TSPAN1: variants seen among roughly 807,000 people sequenced by gnomAD.
The protein encoded by TSPAN1 is tetraspanin-1.
In TSPAN1, 23 loss-of-function variants were observed where a neutral mutation model predicts 26.9. The ratio of observed to expected loss-of-function variants is 0.85; its 90% CI spans 0.62 to 1.21. The LOEUF (loss-of-function observed/expected upper bound fraction) is 1.21, where lower values mean the gene tolerates loss of function less well. Ranked by LOEUF, TSPAN1 falls within the 50% of genes most tolerant of loss-of-function variation. TSPAN1 has a pLI of 0.00. For synonymous variants in TSPAN1, 115 were observed against 114.8 expected (o/e 1.00, Z -0.01); for missense variants, 283 against 298.4 (o/e 0.95, Z 0.38).
At chr1:46,182,579 G>A (rs184453603) in intron 3 of TSPAN1, among the ~76,000 whole-genome samples, 77 of 152,118 alleles carry the variant, frequency 5.1e-4, no homozygotes, top group African/African-American at 1.8e-3. Context: ...ATGTGGTGGC[G>A]CATGCCTGTA....
At position 46,185,370 on chromosome 1, in the gene TSPAN1, C is replaced by G. The variant is rs1657407567; in HGVS notation, c.678+62C>G. 5.6e-6 allele frequency: 9 copies of G among 1,609,302 alleles called. No individual in the cohort carries two copies. In the East Asian group the frequency reaches 2.0e-4, roughly 36 times the overall value. The stretch of plus-strand genomic sequence containing the variant: ...ATGAGACCAGGGCTGCTCAACCCAT[C>G]TGAGGCCTCTCTGGAGGAAACAGAC... On this transcript the variant is annotated intron_variant, in intron 8 of 8. Coordinates refer to ENST00000372003, the MANE Select transcript of TSPAN1 (RefSeq NM_005727.4).
At chr1:46,181,725 T>C (rs1164832312) in intron 3 of TSPAN1, among the ~76,000 whole-genome samples, 2 of 152,312 alleles carry the variant, frequency 1.3e-5, no homozygotes, top group East Asian at 3.9e-4. Context: ...ATAAGCCAGA[T>C]AGGCAGATAA....
At chr1:46,193,053 C>A in the TSPAN1 span, 1 of 1,603,366 alleles carries the variant, frequency 6.2e-7, no homozygotes, top group Non-Finnish European at 8.5e-7. Flanking sequence ...AGCATTACCC[C>A]CATTTTCCAG....
Position 46,185,219 on chromosome 1 carries a change from C to T in TSPAN1, c.595-6C>T. On this transcript the variant is annotated splice_region_variant and splice_polypyrimidine_tract_variant and intron_variant, in intron 7 of 8. Transcript: ENST00000372003. ...CAACTATAAATGCTCTTTTCTCTTC[C>T]TGAAGGGTTGCTTCAATCAGCTTTT... The T allele has an allele frequency of 4.3e-6, 7 of 1,614,166 alleles. No individual in the cohort carries two copies. The highest frequency in any genetic ancestry group is 5.9e-6 in the Non-Finnish European group (7 of 1,180,028).
chr1:46,184,084 G>A, intron 3 of TSPAN1, 107 bp from the exon 4 acceptor site: 2 of 1,215,212 alleles, frequency 1.6e-6, no homozygotes, highest in South Asian at 2.5e-5. Context: ...AGACTCCCTA[G>A]CCAATAAAGA....
downstream of TSPAN1, chr1:46,188,681 T>A (rs954251191): frequency 1.3e-6 from 2 of 1,582,230 alleles, no homozygotes; most frequent in African/African-American, 1.4e-5. Context: ...TCACAAGACA[T>A]CCCCAGAGGG....
the TSPAN1 span, chr1:46,192,042 G>GTTC: frequency 6.4e-7 from 1 of 1,559,490 alleles, no homozygotes; most frequent in Non-Finnish European, 8.8e-7. Flanking sequence ...CAGAGTCCAT[G>GTTC]TTCTTGTTCT....
At chr1:46,175,941 T>C (rs970145333) in intron 1 of TSPAN1, 12 of 495,440 alleles carry the variant, frequency 2.4e-5, no homozygotes, top group Non-Finnish European at 7.2e-6. Context: ...GGCGCGATCT[T>C]GGCTCACTGC....
downstream of TSPAN1, chr1:46,189,292 G>A (rs753937962): frequency 1.4e-5 from 22 of 1,613,570 alleles, no homozygotes; most frequent in South Asian, 2.2e-4. Context: ...TGGGGCTCCT[G>A]GGGCTCCCTC....
intron 3 of TSPAN1, among the ~76,000 whole-genome samples, chr1:46,182,832 A>G (rs553775921): frequency 6.6e-6 from 1 of 152,206 alleles, no homozygotes; most frequent in Admixed American, 6.5e-5. Flanking sequence ...TCTTTGAGAC[A>G]GGATCTTGCT....
At chr1:46,188,708 C>T (rs1657504735), downstream of TSPAN1, 7 of 1,596,956 alleles carry the variant, frequency 4.4e-6, no homozygotes, top group Non-Finnish European at 6.0e-6. Context: ...CTTTTTTAAT[C>T]AATGACCAAC....
the TSPAN1 span, chr1:46,195,044 C>A: frequency 4.1e-6 from 5 of 1,233,130 alleles, no homozygotes; most frequent in Admixed American, 8.4e-5. Flanking sequence ...ATGTAGCAAC[C>A]TTTTACTTAA....
At chr1:46,182,987 A>C (rs980315985) in intron 3 of TSPAN1, among the ~76,000 whole-genome samples, 3 of 152,098 alleles carry the variant, frequency 2.0e-5, no homozygotes, top group African/African-American at 7.2e-5. Context: ...TAATTAAAAA[A>C]AATTTTTTTT....
At chr1:46,190,598 A>G (rs1467620077), downstream of TSPAN1, 2 of 1,532,996 alleles carry the variant, frequency 1.3e-6, no homozygotes, top group Non-Finnish European at 9.0e-7. Flanking sequence ...GCAAGGGGTC[A>G]CATGGGAATC....
the TSPAN1 span, chr1:46,194,470 T>C: frequency 2.5e-6 from 4 of 1,614,012 alleles, no homozygotes; most frequent in Non-Finnish European, 3.4e-6. Context: ...AGGCACACAA[T>C]CAAAGGAATA....
chr1:46,177,387 C>T (rs949242815), intron 1 of TSPAN1, among the ~76,000 whole-genome samples: 1 of 151,642 alleles, frequency 6.6e-6, no homozygotes, highest in Non-Finnish European at 1.5e-5. Flanking sequence ...ATCTAACTAT[C>T]TATCTATATT....
chr1:46,194,705 T>C, the TSPAN1 span: 1 of 1,614,048 alleles, frequency 6.2e-7, no homozygotes, highest in South Asian at 1.1e-5. Context: ...GTTTGGGGGC[T>C]TTTTCCCATC....
At chr1:46,188,285 A>G (rs1657484814), downstream of TSPAN1, among the ~76,000 whole-genome samples, 1 of 152,030 alleles carries the variant, frequency 6.6e-6, no homozygotes, top group Non-Finnish European at 1.5e-5. Flanking sequence ...TGTCCCATCC[A>G]CTTCCTTCCC....
At chr1:46,187,962 C>T (rs185583298), downstream of TSPAN1, among the ~76,000 whole-genome samples, 1 of 152,276 alleles carries the variant, frequency 6.6e-6, no homozygotes, top group Admixed American at 6.5e-5. Context: ...AGAGGTGCTC[C>T]ACACTCATCC....
Sources: gnomAD v4.1 joint callset for allele counts (sites outside exome capture counted in the v4.1 genomes callset) on GRCh38, gnomAD v4.1.1 for gene constraint, MANE v1.5 for transcripts, NCBI Gene and HGNC (gene_info 2026-07-23, HGNC 2026-07-21) for gene names.